The following RAPGEF5 variants were observed in gnomAD, a reference collection of about 807,000 sequenced individuals.
RAPGEF5 encodes M-Ras-regulated GEF.
Under a neutral mutation model 125.2 loss-of-function variants are expected in RAPGEF5, and 65 were observed. The observed-to-expected ratio is 0.52, with a 90% confidence interval of 0.43 to 0.64. The LOEUF (loss-of-function observed/expected upper bound fraction) is 0.64, where lower values mean the gene tolerates loss of function less well. Among genes scored for constraint, RAPGEF5 ranks in the 30% least tolerant of loss-of-function variants. The pLI is 0.00. For synonymous variants in RAPGEF5, 391 were observed against 385.9 expected, an observed-to-expected ratio of 1.01 and a Z score of -0.16; for missense variants, 958 against 1,048.1, an observed-to-expected ratio of 0.91 and a Z score of 1.19.
chr7:22,202,351 G>C (rs533886938), intron 9 of RAPGEF5, among the ~76,000 whole-genome samples: 33 of 152,268 alleles, frequency 2.2e-4, no homozygotes, highest in Admixed American at 2.6e-4. Flanking sequence ...ATACTGAGAG[G>C]ACATGGGTTA....
rs576711832 is a variant in RAPGEF5 at position 22,162,553 on chromosome 7, T to C, written c.1284-12A>G. 6.3e-7 allele frequency: 1 copy of C among 1,595,086 alleles called. No homozygotes were observed. Among genetic ancestry groups the C allele is most frequent in the East Asian group, 2.2e-5 (1 of 44,770 alleles). The stretch of plus-strand genomic sequence containing the variant: ...TCTTAGCAGAATAGGTGCAAATGGT[T>C]AAGAAAAAATTATATTGTTGAAAAT... On this transcript the variant is annotated splice_polypyrimidine_tract_variant and intron_variant, in intron 12 of 25. Transcript: ENST00000665637.
At chr7:22,313,602 T>C (rs1284802855) in intron 3 of RAPGEF5, among the ~76,000 whole-genome samples, 2 of 152,222 alleles carry the variant, frequency 1.3e-5, no homozygotes, top group African/African-American at 4.8e-5. Flanking sequence ...GATGGATTTT[T>C]TTCCATGAAC....
intron 7 of RAPGEF5, among the ~76,000 whole-genome samples, chr7:22,249,936 G>A (rs1033940852): frequency 1.6e-4 from 24 of 152,306 alleles, no homozygotes; most frequent in Non-Finnish European, 3.2e-4. Context: ...AAAAAGTGCT[G>A]CAGGTAACTG....
chr7:22,325,807 T>G (rs13234310), intron 1 of RAPGEF5, among the ~76,000 whole-genome samples: 14,138 of 152,210 alleles, frequency 0.093, 1,053 homozygotes, highest in East Asian at 0.38. Flanking sequence ...CAAGCAATCC[T>G]TGCACCACAG....
In RAPGEF5 at chr7:22,344,879, G is replaced by A. The variant is rs111396260; in HGVS notation, c.231+11951C>T. 1.9e-3 allele frequency among the ~76,000 whole-genome samples: 283 copies of A among 152,296 alleles called. 1 individual carries two copies. Among genetic ancestry groups the A allele is most frequent in the Non-Finnish European group, 3.1e-3 (214 of 68,030 alleles). On this transcript the variant is annotated intron_variant, in intron 1 of 25. Transcript: ENST00000665637. ...TCTATTTGGGTCTGGCCTTCATCAC[G>A]GAGGTGGTAAACAGCCAGGCATACT...
At chr7:22,341,507 A>G (rs1784128807) in intron 1 of RAPGEF5, among the ~76,000 whole-genome samples, 1 of 152,170 alleles carries the variant, frequency 6.6e-6, no homozygotes, top group South Asian at 2.1e-4. Flanking sequence ...CATTAACTCA[A>G]AAGTCCACAG....
intron 5 of RAPGEF5, among the ~76,000 whole-genome samples, chr7:22,299,054 A>G (rs1018535521): frequency 3.7e-5 from 5 of 136,074 alleles, no homozygotes; most frequent in African/African-American, 1.4e-4. Context: ...ACTTAGTTTC[A>G]TTATTTTTTT....
intron 1 of RAPGEF5, among the ~76,000 whole-genome samples, chr7:22,329,551 A>G (rs1451485337): frequency 1.3e-5 from 2 of 152,230 alleles, no homozygotes; most frequent in Non-Finnish European, 2.9e-5. Context: ...AACACATGGA[A>G]ATATTTTGAT....
intron 21 of RAPGEF5, among the ~76,000 whole-genome samples, chr7:22,138,120 T>A (rs1425315819): frequency 6.6e-6 from 1 of 152,028 alleles, no homozygotes; most frequent in Non-Finnish European, 1.5e-5. Context: ...CTGATTCCAA[T>A]CTTTCTTTTA....
At chr7:22,188,319 GA>G (rs1784883864) in intron 11 of RAPGEF5, among the ~76,000 whole-genome samples, 1 of 152,158 alleles carries the variant, frequency 6.6e-6, no homozygotes, top group South Asian at 2.1e-4. Context: ...AGGGGAAGAA[GA>G]AAGATATTCT....
intron 14 of RAPGEF5, among the ~76,000 whole-genome samples, chr7:22,158,496 C>T: frequency 1.3e-5 from 2 of 152,028 alleles, no homozygotes; most frequent in East Asian, 3.9e-4. Flanking sequence ...CAATCTTGCT[C>T]TCAGAAAGAA....
At chr7:22,228,978 G>A (rs942020600) in intron 8 of RAPGEF5, among the ~76,000 whole-genome samples, 2 of 152,098 alleles carry the variant, frequency 1.3e-5, no homozygotes, top group Non-Finnish European at 2.9e-5. Context: ...CTCAGGACAA[G>A]CTTATAATAT....
intron 15 of RAPGEF5, 84 bp from the exon 16 acceptor site, chr7:22,156,972 G>T: frequency 1.9e-6 from 3 of 1,545,662 alleles, no homozygotes; most frequent in African/African-American, 1.4e-5. Context: ...TGTTCCAAAA[G>T]AACTAGCCAA....
At chr7:22,276,233 C>T (rs931106229) in intron 6 of RAPGEF5, among the ~76,000 whole-genome samples, 1 of 151,916 alleles carries the variant, frequency 6.6e-6, no homozygotes, top group African/African-American at 2.4e-5. Flanking sequence ...CTGGTAGACC[C>T]AGCGTATTAT....
chr7:22,323,714 A>C (rs1454494314), intron 1 of RAPGEF5, among the ~76,000 whole-genome samples: 1 of 152,226 alleles, frequency 6.6e-6, no homozygotes, highest in Non-Finnish European at 1.5e-5. Context: ...ACCAACGTGA[A>C]GAAGCTCCCA....
At chr7:22,274,480 C>T (rs1782511322) in intron 6 of RAPGEF5, among the ~76,000 whole-genome samples, 1 of 152,118 alleles carries the variant, frequency 6.6e-6, no homozygotes, top group South Asian at 2.1e-4. Context: ...CAGGCACACA[C>T]CACCAGGCCT....
intron 1 of RAPGEF5, among the ~76,000 whole-genome samples, chr7:22,351,477 C>G (rs1037305133): frequency 6.6e-6 from 1 of 152,150 alleles, no homozygotes; most frequent in Non-Finnish European, 1.5e-5. Context: ...AGAGCATGGA[C>G]TTGGCTCTAC....
intron 13 of RAPGEF5, among the ~76,000 whole-genome samples, chr7:22,162,145 G>A (rs2128112132): frequency 6.6e-6 from 1 of 152,200 alleles, no homozygotes; most frequent in South Asian, 2.1e-4. Flanking sequence ...AACATATTAA[G>A]CTATATCAAA....
chr7:22,300,715 C>G (rs1783176969), intron 5 of RAPGEF5, among the ~76,000 whole-genome samples: 2 of 152,192 alleles, frequency 1.3e-5, no homozygotes, highest in African/African-American at 4.8e-5. Context: ...CTCAGACTAG[C>G]TGGGGCTCCT....
Sources: allele counts gnomAD v4.1 joint callset (sites outside exome capture counted in the v4.1 genomes callset), GRCh38; gene constraint gnomAD v4.1.1; transcripts MANE v1.5; gene names NCBI Gene and HGNC (gene_info 2026-07-23, HGNC 2026-07-21).